NRCAM: variants seen among roughly 807,000 people sequenced by gnomAD.
NRCAM encodes the protein neuronal cell adhesion molecule.
Under a neutral mutation model 156.5 loss-of-function variants are expected in NRCAM, and 83 were observed. The observed-to-expected ratio is 0.53, with a 90% CI of 0.44 to 0.64. NRCAM has a LOEUF of 0.64. Among genes scored for constraint, NRCAM ranks in the 30% least tolerant of loss-of-function variants. NRCAM has a pLI of 0.00. For synonymous variants in NRCAM, 538 were observed against 563.9 expected (o/e 0.95, Z 0.65); for missense variants, 1,417 against 1,597.3 (o/e 0.89, Z 1.92).
chr7:108,201,926 A>T (rs1047442466), intron 13 of NRCAM, among the ~76,000 whole-genome samples: 7 of 152,216 alleles, frequency 4.6e-5, no homozygotes, highest in African/African-American at 1.7e-4. Flanking sequence ...TTGTTTAAAA[A>T]ATGCAAACAA....
intron 1 of NRCAM, among the ~76,000 whole-genome samples, chr7:108,444,535 C>T (rs920498009): frequency 2.6e-5 from 4 of 152,092 alleles, no homozygotes; most frequent in South Asian, 2.1e-4. Flanking sequence ...TCCAGGTGTC[C>T]GCAGGGTTGG....
intron 2 of NRCAM, among the ~76,000 whole-genome samples, chr7:108,355,943 A>AT (rs35999220): frequency 0.047 from 6,769 of 145,188 alleles, 181 homozygotes; most frequent in Middle Eastern, 0.094. Context: ...GTACAGTAAG[A>AT]TTTTTTTTTT....
Position 108,406,701 on chromosome 7 carries a change from T to A in NRCAM, c.-331-7108A>T, listed in dbSNP as rs565215762. Among the ~76,000 whole-genome samples the A allele has an allele frequency of 3.0e-4, 45 of 152,360 alleles. 1 individual carries two copies. Among genetic ancestry groups the A allele is most frequent in the African/African-American group, 1.1e-3 (44 of 41,588 alleles). On this transcript the variant is annotated intron_variant, in intron 1 of 32. Transcript: ENST00000379028. Reference sequence around the variant, plus strand: ...CACTTCAACAGTAATACAAATGCCATGCAACCTTGAACTTGAGTTTAATAG... The same window carrying A: ...CACTTCAACAGTAATACAAATGCCAAGCAACCTTGAACTTGAGTTTAATAG...
chr7:108,321,090 T>C (rs1039860711), intron 2 of NRCAM, among the ~76,000 whole-genome samples: 1 of 152,232 alleles, frequency 6.6e-6, no homozygotes, highest in African/African-American at 2.4e-5. Context: ...GTTTGGCTCA[T>C]ATAACTTGCA....
chr7:108,189,548 A>T (rs2069718901), intron 20 of NRCAM, 97 bp downstream of exon 20: 3 of 691,592 alleles, frequency 4.3e-6, no homozygotes, highest in Non-Finnish European at 7.8e-6. Flanking sequence ...AGAGAATCCC[A>T]GTAAATACCT....
At chr7:108,400,156 T>C (rs576473015) in intron 1 of NRCAM, among the ~76,000 whole-genome samples, 1 of 152,228 alleles carries the variant, frequency 6.6e-6, no homozygotes, top group East Asian at 1.9e-4. Context: ...AACACACCAT[T>C]ATAAGAAAGA....
At chr7:108,445,618 G>A (rs993508975) in intron 1 of NRCAM, among the ~76,000 whole-genome samples, 1 of 152,088 alleles carries the variant, frequency 6.6e-6, no homozygotes, top group Non-Finnish European at 1.5e-5. Flanking sequence ...GGGTTGGGTG[G>A]TGACAAAGAT....
In NRCAM at chr7:108,312,734, G is replaced by A. The variant is rs2098819300; in HGVS notation, c.-173-3C>T. 6.6e-6 allele frequency: 1 copy of A among 152,124 alleles called. No homozygotes were observed. Among genetic ancestry groups the A allele is most frequent in the Non-Finnish European group, 1.5e-5 (1 of 68,022 alleles). 9.4% of individuals were successfully genotyped at this position (152,124 alleles called of 1,614,324 possible). On this transcript the variant is annotated splice_region_variant and splice_polypyrimidine_tract_variant and intron_variant, in intron 2 of 32. Transcript: ENST00000379028. Reference sequence around the variant, plus strand: ...CCAAACGTCTTCTTAGCATTGCTCTGTGGGTTAAAAAATGGGAGAAACGTT... The same window carrying A: ...CCAAACGTCTTCTTAGCATTGCTCTATGGGTTAAAAAATGGGAGAAACGTT...
At chr7:108,214,599 G>A (rs376820664) in intron 11 of NRCAM, among the ~76,000 whole-genome samples, 38 of 151,960 alleles carry the variant, frequency 2.5e-4, no homozygotes, top group African/African-American at 8.0e-4. Context: ...TGTCTCTATC[G>A]CCTTTAGTTC....
chr7:108,217,295 T>G (rs866457790), intron 11 of NRCAM, among the ~76,000 whole-genome samples: 13 of 152,192 alleles, frequency 8.5e-5, no homozygotes, highest in African/African-American at 3.1e-4. Context: ...TCTGGATGCT[T>G]CATCCCAGAA....
chr7:108,336,795 TAAC>T (rs1403416249), intron 2 of NRCAM, among the ~76,000 whole-genome samples: 1 of 152,164 alleles, frequency 6.6e-6, no homozygotes, highest in Non-Finnish European at 1.5e-5. Context: ...TCTTAAGTAA[TAAC>T]AATAAATAAT....
chr7:108,428,619 C>T (rs1820528236), intron 1 of NRCAM, among the ~76,000 whole-genome samples: 3 of 152,134 alleles, frequency 2.0e-5, no homozygotes, highest in Non-Finnish European at 4.4e-5. Context: ...AGAGAAGGGT[C>T]CCTTCTGTGG....
At chr7:108,179,259 G>A (rs574343529) in intron 25 of NRCAM, among the ~76,000 whole-genome samples, 7 of 152,246 alleles carry the variant, frequency 4.6e-5, no homozygotes, top group East Asian at 1.9e-4. Flanking sequence ...TGAAAACATC[G>A]AGGAGGAAGA....
intron 2 of NRCAM, among the ~76,000 whole-genome samples, chr7:108,384,464 T>C (rs1286746873): frequency 1.3e-5 from 2 of 152,116 alleles, no homozygotes; most frequent in African/African-American, 2.4e-5. Context: ...TTTGAACTTT[T>C]AAAAACCTGA....
chr7:108,255,557 G>A (rs2153955362), intron 3 of NRCAM, among the ~76,000 whole-genome samples: 1 of 152,278 alleles, frequency 6.6e-6, no homozygotes, highest in South Asian at 2.1e-4. Context: ...CTCCCAAAGT[G>A]CCGAGATTGC....
rs188134256 is a variant in NRCAM at position 108,387,700 on chromosome 7, G to A, written c.-174+11736C>T. On this transcript the variant is annotated intron_variant, in intron 2 of 32. Coordinates refer to ENST00000379028, the MANE Select transcript of NRCAM (RefSeq NM_001037132.4). Reference sequence around the variant, plus strand: ...ATTTACATTAGGTATATCTCCTAATGCTATCCCTCCCCCTCCCCCCACCCC... The same window carrying A: ...ATTTACATTAGGTATATCTCCTAATACTATCCCTCCCCCTCCCCCCACCCC... Among the ~76,000 whole-genome samples, 1,097 of 151,476 alleles carry A rather than the reference G, an allele frequency of 7.2e-3. 12 individuals are homozygous for A. Among genetic ancestry groups the A allele is most frequent in the African/African-American group, 0.025 (1,033 of 41,204 alleles).
At chr7:108,334,933 C>T (rs918605820) in intron 2 of NRCAM, among the ~76,000 whole-genome samples, 5 of 152,128 alleles carry the variant, frequency 3.3e-5, no homozygotes, top group African/African-American at 7.2e-5. Flanking sequence ...CCATTTTGCT[C>T]TTTATATTAT....
At chr7:108,294,192 G>GTT (rs1563141911) in intron 3 of NRCAM, among the ~76,000 whole-genome samples, 8 of 115,774 alleles carry the variant, frequency 6.9e-5, no homozygotes, top group African/African-American at 1.8e-4. Flanking sequence ...TTTCTTTACT[G>GTT]GTTTTTTTTT....
At chr7:108,254,627 A>T (rs1024580262) in intron 3 of NRCAM, among the ~76,000 whole-genome samples, 1 of 149,352 alleles carries the variant, frequency 6.7e-6, no homozygotes, top group Non-Finnish European at 1.5e-5. Context: ...AGCTAAGGGC[A>T]ACCTCTGTCT....
Sources: allele counts gnomAD v4.1 joint callset (sites outside exome capture counted in the v4.1 genomes callset), GRCh38; gene constraint gnomAD v4.1.1; transcripts MANE v1.5; gene names NCBI Gene and HGNC (gene_info 2026-07-23, HGNC 2026-07-21).